Variants in BAHCC1 observed in about 807,000 individuals in gnomAD.
BAHCC1 encodes the protein BAH domain and coiled-coil containing 1.
BAHCC1 carries 43 observed loss-of-function variants against 88.2 expected under a neutral mutation model. The ratio of observed to expected loss-of-function variants is 0.49; its 90% CI spans 0.38 to 0.63. The LOEUF is 0.63. BAHCC1 is among the 20% of genes least tolerant of loss of function. The pLI, the probability that BAHCC1 is intolerant of heterozygous loss-of-function variation, is 0.00. For missense variants in BAHCC1, 3,023 were observed against 1,654.8 expected (o/e 1.83, Z -14.34); for synonymous variants, 1,510 against 745.5 (o/e 2.03, Z -16.71).
chr17:81,443,962 G>C (rs1555653558), intron 6 of BAHCC1, 45 bp downstream of exon 6: 2 of 699,610 alleles, frequency 2.9e-6, no homozygotes, highest in South Asian at 3.0e-5. Context: ...CTAGGCCTGG[G>C]CTTGGGGCTC....
intron 26 of BAHCC1, chr17:81,462,525 T>C (rs2030389316): frequency 1.8e-6 from 1 of 569,352 alleles, no homozygotes; most frequent in Non-Finnish European, 3.1e-6. Flanking sequence ...CATGATTCCA[T>C]GTGCGGGCTC....
rs782377911 is a variant in BAHCC1, at chr17:81,462,805, C to A, written c.7449C>A (p.Thr2483=). 10 of 780,282 alleles carry A rather than the reference C, an allele frequency of 1.3e-5. No individual in the cohort carries two copies. The highest frequency in any genetic ancestry group is 1.9e-5 in the Non-Finnish European group (8 of 417,904). The allele number at this position is 780,282 out of a possible 1,614,324, so 48.3% of individuals were successfully genotyped here. A position where few individuals can be genotyped will look rare whatever the true frequency, so the allele number is the denominator to read the frequency against. The change falls in exon 27 of 28, where the codon ACC becomes ACA. Residue 2483 remains threonine, a synonymous_variant. Coordinates refer to ENST00000675386, the MANE Select transcript of BAHCC1 (RefSeq NM_001377448.1). ...AGGCCATCGTGCGGGGCGAGGAGAC[C>A]CTGCGTGTCGGGGACTGTGCCGTCT... ...FYKAIVRGEE[T]LRVGDCAVFL...
chr17:81,417,122 G>C (rs116594624), intron 2 of BAHCC1, among the ~76,000 whole-genome samples: 2,388 of 152,192 alleles, frequency 0.016, 70 homozygotes, highest in African/African-American at 0.054. Context: ...GGGACCCGAG[G>C]GCCAGGGTGG....
At chr17:81,444,857 TG>T in intron 8 of BAHCC1, 31 bp downstream of exon 8, 5 of 755,930 alleles carry the variant, frequency 6.6e-6, no homozygotes, top group Middle Eastern at 2.5e-4. Flanking sequence ...CTGCTGTACT[TG>T]GGGGGTGCTG....
chr17:81,398,524 T>C (rs1281038772), intron 1 of BAHCC1, among the ~76,000 whole-genome samples: 1 of 152,078 alleles, frequency 6.6e-6, no homozygotes, highest in African/African-American at 2.4e-5. Flanking sequence ...CGGCCTCTGC[T>C]CGCGGTCCCC....
In BAHCC1 at chr17:81,455,387, C is replaced by A. The variant is rs529634352; in HGVS notation, c.4566C>A (p.Ser1522=). The part of the protein sequence containing the change: ...RSVYAGLQTA[S]VEKAQCKKSS... ...TCTATGCGGGCCTGCAGACTGCCTC[C>A]GTGGTGAGTGCCGAGGCGCCCGCCT... Residue 1522 remains serine, a synonymous_variant, in exon 15 of 28, where the codon TCC becomes TCA. Transcript: ENST00000675386. 2 of 715,904 alleles carry A rather than the reference C, an allele frequency of 2.8e-6. No individual in the cohort carries two copies. The highest frequency in any genetic ancestry group is 4.0e-5 in the Admixed American group (2 of 50,010). 44.3% of individuals were successfully genotyped at this position (715,904 alleles called of 1,614,324 possible).
chr17:81,424,073 C>T (rs900208667), intron 2 of BAHCC1, among the ~76,000 whole-genome samples: 1 of 152,366 alleles, frequency 6.6e-6, no homozygotes, highest in South Asian at 2.1e-4. Flanking sequence ...GAAGCAGATC[C>T]GTCCTCAGCG....
rs782189813 is a variant in BAHCC1 at position 81,444,532 on chromosome 17, C to G, written c.2476C>G (p.Arg826Gly). The G allele has an allele frequency of 7.1e-6, 5 of 702,724 alleles. No homozygotes were observed. The highest frequency in any genetic ancestry group is 1.3e-5 in the Non-Finnish European group (5 of 384,108). The allele number at this position is 702,724 out of a possible 1,614,324, so 43.5% of individuals were successfully genotyped here. A position where few individuals can be genotyped will look rare whatever the true frequency, so the allele number is the denominator to read the frequency against. ...HPHPPWLPRT[R>G]SPSLWMGGHS... ...CCATCCCCCCTGGCTGCCCCGCACC[C>G]GCAGCCCCTCCCTGTGGATGGGGGG... Residue 826 changes from arginine to glycine, a missense_variant, in exon 7 of 28, where the codon CGC (arginine) becomes GGC (glycine). Arg to Gly is a moderately radical substitution (Grantham distance 125, BLOSUM62 -2). Transcript: ENST00000675386.
intron 2 of BAHCC1, among the ~76,000 whole-genome samples, chr17:81,409,365 C>T (rs1437203870): frequency 6.6e-6 from 1 of 152,194 alleles, no homozygotes. Context: ...GCTCCTGTCC[C>T]CCGAAGGCTG....
chr17:81,418,796 C>CGTGTGTGTGCGCGCGCAT (rs1555649107), intron 2 of BAHCC1, among the ~76,000 whole-genome samples: 3 of 144,800 alleles, frequency 2.1e-5, no homozygotes, highest in Non-Finnish European at 3.0e-5. Flanking sequence ...TACGTGTGTG[C>CGTGTGTGTGCGCGCGCAT]GTGTGTGTGT....
chr17:81,439,296 G>A (rs1230335294), intron 4 of BAHCC1, among the ~76,000 whole-genome samples: 1 of 152,232 alleles, frequency 6.6e-6, no homozygotes, highest in African/African-American at 2.4e-5. Flanking sequence ...GGAAGCCATC[G>A]GTTAGTTACC....
chr17:81,450,360 C>T (rs1056133902), intron 11 of BAHCC1, among the ~76,000 whole-genome samples: 1 of 152,118 alleles, frequency 6.6e-6, no homozygotes, highest in Non-Finnish European at 1.5e-5. Flanking sequence ...GCCCTGAGTC[C>T]CCAACCTGGG....
intron 2 of BAHCC1, among the ~76,000 whole-genome samples, chr17:81,413,682 C>A (rs1397100503): frequency 6.6e-6 from 1 of 152,230 alleles, no homozygotes; most frequent in African/African-American, 2.4e-5. Context: ...AGGGCCCATG[C>A]GGGAGGCAGC....
At chr17:81,406,514 C>T (rs1337104379) in intron 2 of BAHCC1, among the ~76,000 whole-genome samples, 1 of 152,248 alleles carries the variant, frequency 6.6e-6, no homozygotes, top group African/African-American at 2.4e-5. Flanking sequence ...TGGAAAATCA[C>T]CCGCAGCCCA....
At chr17:81,440,483 A>G (rs1410426086) in intron 4 of BAHCC1, among the ~76,000 whole-genome samples, 1 of 152,214 alleles carries the variant, frequency 6.6e-6, no homozygotes, top group Non-Finnish European at 1.5e-5. Context: ...ATGCCTGAGG[A>G]CAATTTTACA....
rs4969439 is a variant in BAHCC1, at chr17:81,463,711, G to A, written c.7721G>A (p.Arg2574Gln). 26,072 of 779,502 alleles carry A rather than the reference G, an allele frequency of 0.033. 863 individuals carry two copies. Among genetic ancestry groups the A allele is most frequent in the Admixed American group, 0.11 (6,310 of 59,014 alleles). The allele number at this position is 779,502 out of a possible 1,614,324, so 48.3% of individuals were successfully genotyped here. Reference protein sequence around the residue: ...VAREQYEQMARSRKCQDRQDL... With the variant: ...VAREQYEQMAQSRKCQDRQDL... ...CGCGAGCAGTATGAGCAGATGGCCC[G>A]GAGCCGCAAGTGCCAGGACCGGCAG... is the stretch of plus-strand genomic sequence containing the variant. Residue 2574 changes from arginine to glutamine, a missense_variant, in exon 28 of 28, where the codon CGG becomes CAG. By Grantham distance (43) the Arg-to-Gln change is conservative (BLOSUM62 1). Coordinates refer to ENST00000675386, the MANE Select transcript of BAHCC1 (RefSeq NM_001377448.1).
intron 14 of BAHCC1, 82 bp from the exon 15 acceptor site, chr17:81,455,185 A>C: frequency 1.5e-6 from 1 of 674,270 alleles, no homozygotes; most frequent in Non-Finnish European, 2.7e-6. Context: ...CCACAGTGTG[A>C]CCCACTACAG....
intron 2 of BAHCC1, among the ~76,000 whole-genome samples, chr17:81,422,121 C>T (rs1423838103): frequency 6.6e-6 from 1 of 152,154 alleles, no homozygotes; most frequent in Non-Finnish European, 1.5e-5. Context: ...AAGCAATTCT[C>T]CCGCCTCAGC....
At chr17:81,412,995 G>A (rs1014534279) in intron 2 of BAHCC1, 6 of 296,378 alleles carry the variant, frequency 2.0e-5, no homozygotes, top group African/African-American at 4.6e-5. Context: ...CTCACCTTGC[G>A]GGGGCAGTGG....
Sources: allele counts gnomAD v4.1 joint callset (sites outside exome capture counted in the v4.1 genomes callset), GRCh38; gene constraint gnomAD v4.1.1; transcripts MANE v1.5; gene names NCBI Gene and HGNC (gene_info 2026-07-23, HGNC 2026-07-21).